Variants in VSX2 observed in about 807,000 individuals in gnomAD.
The protein encoded by VSX2 is ceh-10 homeo domain containing homolog.
Under a neutral mutation model 32.1 loss-of-function variants are expected in VSX2, and 28 were observed. That is an observed-to-expected ratio of 0.87 (90% CI 0.65 to 1.20). The LOEUF (loss-of-function observed/expected upper bound fraction) is 1.20. Among genes scored for constraint, VSX2 ranks in the 50% most tolerant of loss-of-function variants. VSX2 has a pLI of 0.00. For missense variants in VSX2, 506 were observed against 488.7 expected, an observed-to-expected ratio of 1.04 and a Z score of -0.33; for synonymous variants, 243 against 214.1, an observed-to-expected ratio of 1.14 and a Z score of -1.18.
chr14:74,260,715 G>T lies in VSX2; in HGVS notation c.882G>T (p.Ala294=). 1 of 1,593,306 alleles carries T rather than the reference G, an allele frequency of 6.3e-7. No homozygotes were observed. The change falls in exon 5 of 5, where the codon GCG becomes GCT. Residue 294 remains alanine (A), a synonymous_variant. Transcript: ENST00000261980. ...EQDERGPDAQ[A]AISQEELREN... is the part of the protein sequence containing the mutation. ...ACGAGCGGGGCCCCGACGCTCAGGC[G>T]GCCATCTCCCAGGAGGAACTGAGGG...
At chr14:74,245,046 G>A in intron 2 of VSX2, 119 bp from the exon 3 acceptor site, 1 of 1,255,694 alleles carries the variant, frequency 8.0e-7, no homozygotes, top group Non-Finnish European at 1.1e-6. Flanking sequence ...GTCCTATTGT[G>A]CTGAGCCAGC....
chr14:74,253,649 G>A (rs936575823), intron 3 of VSX2, among the ~76,000 whole-genome samples: 1 of 152,218 alleles, frequency 6.6e-6, no homozygotes, highest in Admixed American at 6.5e-5. Flanking sequence ...AAATGCACTT[G>A]GCTGGGTGTG....
Position 74,262,124 on chromosome 14 carries a change from C to G in VSX2, c.*1205C>G, listed in dbSNP as rs901202928. ...GATGGGAAAAAGGCTGGAAGGAAAG[C>G]AAGGCAGAAGGCCAGGAGTAAGCCC... On this transcript the variant is annotated 3_prime_UTR_variant, in exon 5 of 5. Coordinates refer to ENST00000261980, the MANE Select transcript of VSX2 (RefSeq NM_182894.3). The G allele has an allele frequency of 1.3e-5, 2 of 152,532 alleles. No individual in the cohort carries two copies. Among genetic ancestry groups the G allele is most frequent in the African/African-American group, 4.8e-5 (2 of 41,478 alleles). The allele number at this position is 152,532 out of a possible 1,614,324, so 9.4% of individuals were successfully genotyped here. A position where few individuals can be genotyped will look rare whatever the true frequency, so the allele number is the denominator to read the frequency against.
intron 3 of VSX2, among the ~76,000 whole-genome samples, chr14:74,257,891 A>G (rs1471346371): frequency 6.6e-6 from 1 of 152,084 alleles, no homozygotes; most frequent in African/African-American, 2.4e-5. Flanking sequence ...CGAGCGTCCC[A>G]CTCATCACGC....
intron 3 of VSX2, among the ~76,000 whole-genome samples, chr14:74,249,631 T>C (rs921276201): frequency 6.6e-6 from 1 of 152,172 alleles, no homozygotes; most frequent in African/African-American, 2.4e-5. Context: ...ACACCCATTT[T>C]CTAGATGAAG....
Position 74,245,028 on chromosome 14 carries a change from G to T in VSX2, c.456-137G>T, listed in dbSNP as rs573384258. 8 of 922,374 alleles carry T rather than the reference G, an allele frequency of 8.7e-6. No homozygotes were observed. In the African/African-American group the frequency reaches 1.2e-4, roughly 13 times the overall value. 57.1% of individuals were successfully genotyped at this position (922,374 alleles called of 1,614,324 possible). A position where few individuals can be genotyped will look rare whatever the true frequency, so the allele number is the denominator to read the frequency against. ...AGAGACAGAGAGAGAGAGAGAGAGA[G>T]AATTTGTGTCCTATTGTGCTGAGCC... On this transcript the variant is annotated intron_variant, in intron 2 of 4. Coordinates refer to ENST00000261980, the MANE Select transcript of VSX2 (RefSeq NM_182894.3).
rs1156909867 is a variant in VSX2, at chr14:74,262,038, CA to C, written c.*1120del. 8 of 152,408 alleles carry C rather than the reference CA, an allele frequency of 5.2e-5. No individual in the cohort carries two copies. The highest frequency in any genetic ancestry group is 3.3e-4 in the Admixed American group (5 of 15,276). 9.4% of individuals were successfully genotyped at this position (152,408 alleles called of 1,614,324 possible). On this transcript the variant is annotated 3_prime_UTR_variant, in exon 5 of 5. Transcript: ENST00000261980. ...TGGAGAAACCTTCACTCCAGACAGA[CA>C]GGGGGCTAAGGGGCTAGGGCTGAGC...
At chr14:74,246,775 A>T (rs188016325) in intron 3 of VSX2, among the ~76,000 whole-genome samples, 1 of 152,270 alleles carries the variant, frequency 6.6e-6, no homozygotes, top group East Asian at 1.9e-4. Context: ...ACCAGAATGA[A>T]GGAATAGCTT....
rs1345431869 is a variant in VSX2 at position 74,261,069 on chromosome 14, G to C, written c.*150G>C. 2.8e-5 allele frequency: 25 copies of C among 882,518 alleles called. No homozygotes were observed. In the Admixed American group the frequency reaches 5.2e-4, roughly 18 times the overall value. 54.7% of individuals were successfully genotyped at this position (882,518 alleles called of 1,614,324 possible). A position where few individuals can be genotyped will look rare whatever the true frequency, so the allele number is the denominator to read the frequency against. ...TCCTCCATCACCCCTGGTGGCTGCA[G>C]GCACCGCTGGGTTCTGACTCTGGAC... On this transcript the variant is annotated 3_prime_UTR_variant, in exon 5 of 5. Transcript: ENST00000261980.
intron 4 of VSX2, 123 bp from the exon 5 acceptor site, chr14:74,260,471 G>A (rs2079297387): frequency 1.9e-5 from 19 of 998,648 alleles, no homozygotes; most frequent in South Asian, 5.6e-5. Context: ...GTGTGACTGC[G>A]GTGTGGGGAG....
intron 3 of VSX2, 47 bp downstream of exon 3, chr14:74,245,335 G>T: frequency 1.2e-6 from 2 of 1,610,408 alleles, no homozygotes; most frequent in Non-Finnish European, 8.5e-7. Context: ...CTCTCTCGGT[G>T]ACATCTACCA....
intron 3 of VSX2, among the ~76,000 whole-genome samples, chr14:74,256,948 A>G (rs2079267576): frequency 1.3e-5 from 2 of 151,970 alleles, no homozygotes; most frequent in South Asian, 2.1e-4. Context: ...TGCTGGGATT[A>G]CAGGCATGAG....
chr14:74,257,521 G>A (rs960692061), intron 3 of VSX2, among the ~76,000 whole-genome samples: 44 of 152,262 alleles, frequency 2.9e-4, no homozygotes, highest in Admixed American at 6.5e-4. Flanking sequence ...AAAGGCCAGA[G>A]GACACGCGTT....
intron 3 of VSX2, among the ~76,000 whole-genome samples, chr14:74,252,380 G>A (rs942118222): frequency 7.7e-6 from 1 of 129,778 alleles, no homozygotes; most frequent in East Asian, 2.0e-4. Flanking sequence ...CACAACCTGG[G>A]CTTTCTTTTC....
At position 74,260,444 on chromosome 14, in the gene VSX2, G is replaced by T. The variant is rs923993710; in HGVS notation, c.761-150G>T. The T allele has an allele frequency of 2.0e-5, 17 of 870,688 alleles. No individual in the cohort carries two copies. The African/African-American group carries it at 2.3e-4, about 12-fold the overall frequency. The allele number at this position is 870,688 out of a possible 1,614,324, so 53.9% of individuals were successfully genotyped here. Reference sequence around the variant, plus strand: ...CCCATCTCCCCATTCCCTGACCCTGGTCCAGCCCTGGGACTTGTGTGACTG... The same window carrying T: ...CCCATCTCCCCATTCCCTGACCCTGTTCCAGCCCTGGGACTTGTGTGACTG... On this transcript the variant is annotated intron_variant, in intron 4 of 4. Coordinates refer to ENST00000261980, the MANE Select transcript of VSX2 (RefSeq NM_182894.3).
rs1165509414 is a variant in VSX2 at position 74,239,814 on chromosome 14, C to T, written c.253C>T (p.Pro85Ser). The T allele has an allele frequency of 1.3e-6, 2 of 1,572,594 alleles. No homozygotes were observed. The highest frequency in any genetic ancestry group is 1.7e-6 in the Non-Finnish European group (2 of 1,160,444). ...GGGGCTTCTGGGGCCCGGGGGGCTC[C>T]CTGGCTTCTACACGCAGCCCACCTT... is the stretch of plus-strand genomic sequence containing the variant. ...GMGLLGPGGL[P>S]GFYTQPTFLE... The change falls in exon 1 of 5, where the codon CCT becomes TCT. Residue 85 changes from proline to serine, a missense_variant. Pro to Ser is a moderately conservative substitution (Grantham distance 74). Coordinates refer to ENST00000261980, the MANE Select transcript of VSX2 (RefSeq NM_182894.3).
chr14:74,257,734 C>G (rs1191636180), intron 3 of VSX2, among the ~76,000 whole-genome samples: 1 of 151,872 alleles, frequency 6.6e-6, no homozygotes, highest in Non-Finnish European at 1.5e-5. Flanking sequence ...CCCCCGAGCC[C>G]CGCCGGCCCC....
At chr14:74,252,460 G>A (rs1242208976) in intron 3 of VSX2, among the ~76,000 whole-genome samples, 1 of 150,832 alleles carries the variant, frequency 6.6e-6, no homozygotes, top group African/African-American at 2.4e-5. Context: ...GCACGATCTC[G>A]GCTCACTGCA....
In VSX2 at chr14:74,257,169, A is replaced by C. The variant is rs185182433; in HGVS notation, c.580-2433A>C. On this transcript the variant is annotated intron_variant, in intron 3 of 4. Transcript: ENST00000261980. The stretch of plus-strand genomic sequence containing the variant: ...GGCCCGCGGCGCTGGGGAGATCTAC[A>C]TACGGCATGGAGCCAGGCCGGGACG... Among the ~76,000 whole-genome samples the C allele has an allele frequency of 2.5e-3, 375 of 152,240 alleles. 2 individuals carry two copies. The highest frequency in any genetic ancestry group is 8.0e-3 in the African/African-American group (332 of 41,552).
Sources: allele counts gnomAD v4.1 joint callset (sites outside exome capture counted in the v4.1 genomes callset), GRCh38; gene constraint gnomAD v4.1.1; transcripts MANE v1.5; gene names NCBI Gene and HGNC (gene_info 2026-07-23, HGNC 2026-07-21).